The following SENP5 variants were observed in gnomAD, a reference collection of about 807,000 sequenced individuals.
The protein encoded by SENP5 is SUMO specific peptidase 5.
Under a neutral mutation model 74.2 loss-of-function variants are expected in SENP5, and 21 were observed. That is an observed-to-expected ratio of 0.28 (90% CI 0.20 to 0.41). The LOEUF (loss-of-function observed/expected upper bound fraction) is 0.41. Among genes scored for constraint, SENP5 ranks in the 10% least tolerant of loss-of-function variants. The pLI, the probability that SENP5 is intolerant of heterozygous loss-of-function variation, is 1.00. For synonymous variants in SENP5, 311 were observed against 312.7 expected, an observed-to-expected ratio of 0.99 and a Z score of 0.06; for missense variants, 717 against 889.1, an observed-to-expected ratio of 0.81 and a Z score of 2.46.
chr3:196,908,127 A>G (rs181872784), intron 6 of SENP5, among the ~76,000 whole-genome samples: 4 of 152,082 alleles, frequency 2.6e-5, no homozygotes, highest in Non-Finnish European at 2.9e-5. Flanking sequence ...TAAAAAATTT[A>G]AAAAACTTAG....
chr3:196,909,857 C>T (rs1305988340), intron 6 of SENP5, among the ~76,000 whole-genome samples: 1 of 152,136 alleles, frequency 6.6e-6, no homozygotes, highest in Non-Finnish European at 1.5e-5. Flanking sequence ...CAAGGATGCC[C>T]TCTCCCATCA....
intron 2 of SENP5, among the ~76,000 whole-genome samples, chr3:196,891,298 T>A (rs910005125): frequency 1.4e-5 from 2 of 148,034 alleles, no homozygotes; most frequent in African/African-American, 5.0e-5. Context: ...AGAAGGGGAA[T>A]GAGAGGTGAC....
At chr3:196,906,751 GTTTGTA>G (rs1409822415) in intron 6 of SENP5, among the ~76,000 whole-genome samples, 1 of 152,168 alleles carries the variant, frequency 6.6e-6, no homozygotes, top group Non-Finnish European at 1.5e-5. Context: ...GGGCCTTGAG[GTTTGTA>G]TTTTGGATTT....
chr3:196,875,673 AC>A (rs1345299679), intron 1 of SENP5, among the ~76,000 whole-genome samples: 1 of 151,800 alleles, frequency 6.6e-6, no homozygotes, highest in Non-Finnish European at 1.5e-5. Flanking sequence ...GTGTTTCCTG[AC>A]CCTTTTGCCA....
intron 1 of SENP5, among the ~76,000 whole-genome samples, chr3:196,875,143 G>A (rs1713399514): frequency 6.6e-6 from 1 of 152,114 alleles, no homozygotes; most frequent in African/African-American, 2.4e-5. Flanking sequence ...TCCCCTAATC[G>A]ATCTCCGTCT....
At chr3:196,900,647 G>A (rs182746912) in intron 5 of SENP5, among the ~76,000 whole-genome samples, 5 of 152,104 alleles carry the variant, frequency 3.3e-5, no homozygotes, top group Admixed American at 6.6e-5. Flanking sequence ...GTGCAGTGGC[G>A]TGATCTCGGC....
rs1458567168 is a variant in SENP5, at chr3:196,932,645, G to A, written c.*1722G>A. 6.6e-6 allele frequency: 1 copy of A among 151,680 alleles called. No individual in the cohort carries two copies. The highest frequency in any genetic ancestry group is 1.5e-5 in the Non-Finnish European group (1 of 67,966). 9.4% of individuals were successfully genotyped at this position (151,680 alleles called of 1,614,324 possible). ...CGTTAGGAAAAAATGACAGTTTAGG[G>A]TAAGGAAGATCTCATAATGAGTTTT... On this transcript the variant is annotated 3_prime_UTR_variant, in exon 10 of 10. Transcript: ENST00000323460.
intron 2 of SENP5, among the ~76,000 whole-genome samples, chr3:196,896,057 G>A (rs1008497016): frequency 6.6e-6 from 1 of 152,022 alleles, no homozygotes; most frequent in Admixed American, 6.6e-5. Flanking sequence ...AAGCAAGTGG[G>A]TAAAGAATGG....
intron 6 of SENP5, among the ~76,000 whole-genome samples, chr3:196,908,045 T>C (rs1714977879): frequency 6.6e-6 from 1 of 152,030 alleles, no homozygotes. Flanking sequence ...CTAAAATTAC[T>C]GTAGATGGGA....
At chr3:196,881,301 A>G (rs1199255203) in intron 1 of SENP5, among the ~76,000 whole-genome samples, 1 of 152,110 alleles carries the variant, frequency 6.6e-6, no homozygotes, top group Admixed American at 6.6e-5. Context: ...AGCCTTGTAC[A>G]TGTGTATATT....
chr3:196,929,747 G>T (rs1469943183), intron 9 of SENP5, 64 bp downstream of exon 9: 22 of 1,101,756 alleles, frequency 2.0e-5, no homozygotes, highest in Non-Finnish European at 1.3e-5. Flanking sequence ...GTTGAGAGGG[G>T]AGAGATGGCA....
chr3:196,923,583 A>G (rs1425188007), intron 7 of SENP5, 32 bp downstream of exon 7: 1 of 1,501,488 alleles, frequency 6.7e-7, no homozygotes, highest in African/African-American at 1.4e-5. Context: ...TTTTTCATTT[A>G]TTTTGTAATT....
intron 2 of SENP5, among the ~76,000 whole-genome samples, chr3:196,897,628 A>G (rs80182049): frequency 0.011 from 1,664 of 152,348 alleles, 18 homozygotes; most frequent in Non-Finnish European, 0.018. Context: ...AGACACTCTT[A>G]TCATCTTTTC....
At chr3:196,869,238 A>T (rs1484909961) in intron 1 of SENP5, among the ~76,000 whole-genome samples, 2 of 151,798 alleles carry the variant, frequency 1.3e-5, no homozygotes, top group East Asian at 2.0e-4. Context: ...TCTCACTCTG[A>T]CACCCAGCCT....
intron 6 of SENP5, among the ~76,000 whole-genome samples, chr3:196,911,054 A>G (rs566118882): frequency 5.3e-5 from 8 of 152,326 alleles, no homozygotes; most frequent in African/African-American, 1.4e-4. Flanking sequence ...CTTACACCTT[A>G]TACAAAAATT....
chr3:196,909,437 A>G (rs1027968478), intron 6 of SENP5, among the ~76,000 whole-genome samples: 1 of 152,222 alleles, frequency 6.6e-6, no homozygotes, highest in African/African-American at 2.4e-5. Flanking sequence ...TCCTGATACC[A>G]AAACCTGGCA....
At position 196,934,016 on chromosome 3, in the gene SENP5, T is replaced by C. The variant is rs1716149189; in HGVS notation, c.*3093T>C. 1 of 152,240 alleles carries C rather than the reference T, an allele frequency of 6.6e-6. No individual in the cohort carries two copies. Among genetic ancestry groups the C allele is most frequent in the African/African-American group, 2.4e-5 (1 of 41,452 alleles). 9.4% of individuals were successfully genotyped at this position (152,240 alleles called of 1,614,324 possible). The stretch of plus-strand genomic sequence containing the variant: ...CTCAGCAGACGCATCAGGTTGTAGT[T>C]GCATCTTTACAGTGGTCTTTCCTTT... On this transcript the variant is annotated 3_prime_UTR_variant, in exon 10 of 10. Coordinates refer to ENST00000323460, the MANE Select transcript of SENP5 (RefSeq NM_152699.5).
chr3:196,899,404 C>CT (rs34923572), intron 2 of SENP5, among the ~76,000 whole-genome samples: 99,824 of 152,036 alleles, frequency 0.66, 33,825 homozygotes, highest in Non-Finnish European at 0.74. Flanking sequence ...CATTCCTTCT[C>CT]TAACAATGCT....
At position 196,928,912 on chromosome 3, in the gene SENP5, G is replaced by A. The variant is rs372466778; in HGVS notation, c.2107-721G>A. Among the ~76,000 whole-genome samples the A allele has an allele frequency of 1.4e-3, 206 of 152,244 alleles. 1 individual carries two copies. Among genetic ancestry groups the A allele is most frequent in the African/African-American group, 4.8e-3 (201 of 41,540 alleles). ...TTCTTTTAAAAACATACTGTTGGCC[G>A]GGCACAGTGGCTCACACCTGTAATC... On this transcript the variant is annotated intron_variant, in intron 8 of 9. Coordinates refer to ENST00000323460, the MANE Select transcript of SENP5 (RefSeq NM_152699.5).
Sources: allele counts gnomAD v4.1 joint callset (sites outside exome capture counted in the v4.1 genomes callset), GRCh38; gene constraint gnomAD v4.1.1; transcripts MANE v1.5; gene names NCBI Gene and HGNC (gene_info 2026-07-23, HGNC 2026-07-21).